PTPN13: variants seen among roughly 807,000 people sequenced by gnomAD.
PTPN13 encodes the protein tyrosine-protein phosphatase non-receptor type 13.
Under a neutral mutation model 284.0 loss-of-function variants are expected in PTPN13, and 191 were observed. That is an observed-to-expected ratio of 0.67 (90% CI 0.60 to 0.76). The LOEUF is 0.76. PTPN13 is among the 30% of genes least tolerant of loss of function. PTPN13 has a pLI of 0.00. For synonymous variants in PTPN13, 986 were observed against 1,022.3 expected, an observed-to-expected ratio of 0.96 and a Z score of 0.68; for missense variants, 2,797 against 2,939.9, an observed-to-expected ratio of 0.95 and a Z score of 1.12.
intron 3 of PTPN13, among the ~76,000 whole-genome samples, chr4:86,682,343 G>A (rs1342061445): frequency 6.6e-6 from 1 of 152,160 alleles, no homozygotes; most frequent in Non-Finnish European, 1.5e-5. Flanking sequence ...GTAAGGTACG[G>A]ATGGACCAAC....
chr4:86,596,504 T>G (rs1763818242), intron 1 of PTPN13, among the ~76,000 whole-genome samples: 2 of 152,226 alleles, frequency 1.3e-5, no homozygotes, highest in African/African-American at 4.8e-5. Flanking sequence ...TTTGTTGTTG[T>G]TTTTGAGGGC....
intron 23 of PTPN13, among the ~76,000 whole-genome samples, chr4:86,760,041 T>G (rs1738487622): frequency 6.6e-6 from 1 of 152,142 alleles, no homozygotes. Context: ...AACATGAACA[T>G]GTTATATGTT....
chr4:86,697,802 G>A (rs1343803896), intron 6 of PTPN13, among the ~76,000 whole-genome samples: 1 of 152,062 alleles, frequency 6.6e-6, no homozygotes, highest in Non-Finnish European at 1.5e-5. Context: ...TTGAGTCTGG[G>A]TGAATTGAAA....
At chr4:86,670,278 A>C (rs1394824215) in intron 2 of PTPN13, among the ~76,000 whole-genome samples, 1 of 144,900 alleles carries the variant, frequency 6.9e-6, no homozygotes, top group East Asian at 2.0e-4. Flanking sequence ...TTTATCCCAC[A>C]TTTCAGATCA....
rs138775599 is a variant in PTPN13, at chr4:86,769,594, A to G, written c.4490-175A>G. On this transcript the variant is annotated intron_variant, in intron 28 of 47. Transcript: ENST00000411767. ...TTGATAAGATTTCTTAATGATGGAA[A>G]TAGACTGTAAGATACAGCTTCAGTA... 3.3e-4 allele frequency among the ~76,000 whole-genome samples: 51 copies of G among 152,346 alleles called. No individual in the cohort carries two copies. In the East Asian group the frequency reaches 7.5e-3, roughly 22 times the overall value.
chr4:86,785,439 T>G, intron 39 of PTPN13, 71 bp downstream of exon 39: 1 of 1,323,776 alleles, frequency 7.6e-7, no homozygotes, highest in Non-Finnish European at 1.0e-6. Flanking sequence ...ATTTTTTGAG[T>G]AAATATGTAA....
intron 40 of PTPN13, among the ~76,000 whole-genome samples, chr4:86,789,169 G>A (rs1341052760): frequency 5.9e-5 from 9 of 152,198 alleles, no homozygotes; most frequent in African/African-American, 2.2e-4. Flanking sequence ...TTCATGAAGT[G>A]ACTTACATGC....
At chr4:86,809,639 C>T (rs866293080) in intron 45 of PTPN13, 130 bp from the exon 46 acceptor site, 11 of 779,226 alleles carry the variant, frequency 1.4e-5, no homozygotes, top group Middle Eastern at 3.5e-4. Flanking sequence ...TGCAGTGAGC[C>T]GAGATTGCAC....
At chr4:86,640,509 A>G (rs1391879768) in intron 2 of PTPN13, among the ~76,000 whole-genome samples, 1 of 152,176 alleles carries the variant, frequency 6.6e-6, no homozygotes, top group Non-Finnish European at 1.5e-5. Context: ...TTTGCCCTTA[A>G]GGGATTTGTT....
intron 30 of PTPN13, 146 bp from the exon 31 acceptor site, chr4:86,771,024 TA>T: frequency 5.2e-6 from 4 of 768,010 alleles, no homozygotes; most frequent in Non-Finnish European, 8.1e-6. Context: ...TTTTATATAT[TA>T]TTTTCTCTAT....
intron 1 of PTPN13, among the ~76,000 whole-genome samples, chr4:86,627,979 G>A (rs1168331671): frequency 6.6e-6 from 1 of 151,886 alleles, no homozygotes; most frequent in Non-Finnish European, 1.5e-5. Flanking sequence ...ATATTTGCTT[G>A]TTTCCAGTTT....
At chr4:86,683,754 A>G (rs983804448) in intron 3 of PTPN13, among the ~76,000 whole-genome samples, 1 of 152,254 alleles carries the variant, frequency 6.6e-6, no homozygotes, top group Non-Finnish European at 1.5e-5. Context: ...TATAAAAATT[A>G]TTAACATATA....
intron 6 of PTPN13, among the ~76,000 whole-genome samples, chr4:86,697,606 G>C (rs2148992417): frequency 6.6e-6 from 1 of 152,188 alleles, no homozygotes; most frequent in Admixed American, 6.5e-5. Flanking sequence ...CCAAGCTTAA[G>C]GTGGAAACTT....
At chr4:86,780,682 TGTA>T (rs1268475005) in intron 36 of PTPN13, among the ~76,000 whole-genome samples, 1 of 152,216 alleles carries the variant, frequency 6.6e-6, no homozygotes, top group Admixed American at 6.5e-5. Context: ...AGCACTTACT[TGTA>T]GTAGCCAAAA....
chr4:86,657,899 G>T (rs554143276), intron 2 of PTPN13, among the ~76,000 whole-genome samples: 80 of 152,158 alleles, frequency 5.3e-4, no homozygotes, highest in Non-Finnish European at 9.7e-4. Flanking sequence ...CCCAAGAGCT[G>T]CACTGCCTGG....
intron 1 of PTPN13, among the ~76,000 whole-genome samples, chr4:86,626,549 A>T (rs754362220): frequency 1.3e-5 from 2 of 152,136 alleles, no homozygotes; most frequent in African/African-American, 2.4e-5. Context: ...AATGGAAAGA[A>T]ATATTAATGT....
Position 86,809,772 on chromosome 4 carries a change from A to G in PTPN13, c.7087A>G (p.Arg2363Gly). 6.2e-7 allele frequency: 1 copy of G among 1,613,618 alleles called. No homozygotes were observed. Among genetic ancestry groups the G allele is most frequent in the South Asian group, 1.1e-5 (1 of 91,070 alleles). Residue 2363 changes from arginine to glycine, a missense_variant, in exon 46 of 48, where the codon AGA becomes GGA. Physicochemically the swap from Arg to Gly is moderately radical, Grantham distance 125. Coordinates refer to ENST00000411767, the MANE Select transcript of PTPN13 (RefSeq NM_080683.3). ...RAMTLEDIQT[R>G]EVRHISHLNF... Reference sequence around the variant, plus strand: ...TTATTCTGTTATACAATTTCAGACCAGAGAGGTGCGCCATATTTCTCATCT... The same window carrying G: ...TTATTCTGTTATACAATTTCAGACCGGAGAGGTGCGCCATATTTCTCATCT...
chr4:86,750,910 A>T, intron 18 of PTPN13, 23 bp downstream of exon 18: 1 of 1,595,756 alleles, frequency 6.3e-7, no homozygotes, highest in Non-Finnish European at 8.5e-7. Flanking sequence ...TAACTAACCC[A>T]ATTACATATT....
intron 12 of PTPN13, among the ~76,000 whole-genome samples, 197 bp downstream of exon 12, chr4:86,732,963 G>A (rs1735105861): frequency 6.6e-6 from 1 of 151,970 alleles, no homozygotes; most frequent in African/African-American, 2.4e-5. Flanking sequence ...GGCACCTTCT[G>A]TATCTGACTG....
Sources: gnomAD v4.1 joint callset for allele counts (sites outside exome capture counted in the v4.1 genomes callset) on GRCh38, gnomAD v4.1.1 for gene constraint, MANE v1.5 for transcripts, NCBI Gene and HGNC (gene_info 2026-07-23, HGNC 2026-07-21) for gene names.